MBD5: variants seen among roughly 807,000 people sequenced by gnomAD.
MBD5 encodes methyl-CpG binding domain protein 5.
Under a neutral mutation model 117.3 loss-of-function variants are expected in MBD5, and 13 were observed. That is an observed-to-expected ratio of 0.11 (90% CI 0.07 to 0.18). The LOEUF (loss-of-function observed/expected upper bound fraction) is 0.18, where lower values mean the gene tolerates loss of function less well. MBD5 is among the 10% of genes least tolerant of loss of function. MBD5 has a pLI of 1.00. For synonymous variants in MBD5, 727 were observed against 766.4 expected (o/e 0.95, Z 0.85); for missense variants, 1,879 against 2,093.8 (o/e 0.90, Z 2.00).
chr2:148,203,630 G>A (rs1374410029), intron 2 of MBD5, among the ~76,000 whole-genome samples: 3 of 152,162 alleles, frequency 2.0e-5, no homozygotes, highest in Non-Finnish European at 4.4e-5. Context: ...AATTTTGCAA[G>A]TCTTCACAAG....
At chr2:148,076,639 T>C (rs546226858) in intron 1 of MBD5, among the ~76,000 whole-genome samples, 1 of 152,326 alleles carries the variant, frequency 6.6e-6, no homozygotes, top group African/African-American at 2.4e-5. Flanking sequence ...GACCAGCTAT[T>C]GGTGAGCAGT....
At chr2:148,269,697 A>G (rs999832006) in intron 3 of MBD5, among the ~76,000 whole-genome samples, 1 of 138,202 alleles carries the variant, frequency 7.2e-6, no homozygotes, top group African/African-American at 2.7e-5. Context: ...AGTGTAGTAT[A>G]CTTGGCATAC....
chr2:148,084,399 C>T (rs1451218430), intron 1 of MBD5, among the ~76,000 whole-genome samples: 2 of 152,164 alleles, frequency 1.3e-5, no homozygotes, highest in Non-Finnish European at 2.9e-5. Flanking sequence ...TGACAGACCT[C>T]AGGTAATATC....
chr2:148,188,798 G>T (rs12479178), intron 2 of MBD5, among the ~76,000 whole-genome samples: 45,879 of 151,818 alleles, frequency 0.3, 8,440 homozygotes, highest in South Asian at 0.46. Flanking sequence ...AGCTCCCAGC[G>T]TGAGCGACGC....
chr2:148,253,168 T>C (rs1448263878), intron 3 of MBD5, among the ~76,000 whole-genome samples: 2 of 152,106 alleles, frequency 1.3e-5, no homozygotes, highest in Non-Finnish European at 2.9e-5. Context: ...CAGAGGGAAC[T>C]CTACTAGGAG....
At chr2:148,200,854 G>A (rs1436197250) in intron 2 of MBD5, among the ~76,000 whole-genome samples, 1 of 152,010 alleles carries the variant, frequency 6.6e-6, no homozygotes, top group Admixed American at 6.5e-5. Context: ...GTTGGCCTTT[G>A]TATACTTTAT....
At position 148,469,349 on chromosome 2, in the gene MBD5, A is replaced by C. The variant is rs766571687; in HGVS notation, c.1406A>C (p.His469Pro). 6.2e-7 allele frequency: 1 copy of C among 1,613,694 alleles called. No homozygotes were observed. The highest frequency in any genetic ancestry group is 1.7e-5 in the Admixed American group (1 of 59,964). Residue 469 changes from histidine to proline, a missense_variant, in exon 8 of 14, where the codon CAT becomes CCT. Around this residue, in one of 4 missense-constraint regions of MBD5, gnomAD observed 1,666 missense variants for 1,792.2 expected, o/e 0.93. Transcript: ENST00000642680. ...RSRSSSTSSD[H>P]GNFMMPPVGP... is the part of the protein sequence containing the mutation. The stretch of plus-strand genomic sequence containing the variant: ...CGCTCATCTTCCACATCATCAGATC[A>C]TGGAAATTTCATGATGCCACCTGTA...
At chr2:148,072,662 G>A (rs1695394464) in intron 1 of MBD5, among the ~76,000 whole-genome samples, 1 of 152,146 alleles carries the variant, frequency 6.6e-6, no homozygotes, top group Non-Finnish European at 1.5e-5. Context: ...ACTGAATAAA[G>A]TGACACTTGA....
intron 1 of MBD5, among the ~76,000 whole-genome samples, chr2:148,135,045 T>A (rs1332202006): frequency 6.6e-6 from 1 of 152,210 alleles, no homozygotes; most frequent in East Asian, 1.9e-4. Context: ...CTGCCAGTTC[T>A]TTTCTCTCTG....
intron 4 of MBD5, among the ~76,000 whole-genome samples, chr2:148,378,915 T>C (rs1034445434): frequency 2.0e-5 from 3 of 152,040 alleles, no homozygotes; most frequent in African/African-American, 7.2e-5. Flanking sequence ...TATATTTAGA[T>C]ACAGGTGAAG....
At chr2:148,496,061 A>G (rs1681693214) in intron 11 of MBD5, among the ~76,000 whole-genome samples, 1 of 152,212 alleles carries the variant, frequency 6.6e-6, no homozygotes. Flanking sequence ...ATTCTTTGGT[A>G]CTATAATTCT....
At chr2:148,440,998 T>C (rs1421694052) in intron 4 of MBD5, among the ~76,000 whole-genome samples, 1 of 152,208 alleles carries the variant, frequency 6.6e-6, no homozygotes, top group East Asian at 1.9e-4. Context: ...TGATTGAGAA[T>C]GGAATTAATG....
chr2:148,450,560 CT>C (rs1706696856), intron 4 of MBD5, among the ~76,000 whole-genome samples: 1 of 152,192 alleles, frequency 6.6e-6, no homozygotes, highest in Non-Finnish European at 1.5e-5. Context: ...AGACTTCTCT[CT>C]TTACATGGTC....
intron 10 of MBD5, among the ~76,000 whole-genome samples, chr2:148,486,472 A>T (rs909577120): frequency 6.6e-6 from 1 of 152,220 alleles, no homozygotes; most frequent in Non-Finnish European, 1.5e-5. Flanking sequence ...AAACCAAGGC[A>T]GTCAAAAGGA....
chr2:148,089,167 T>TA (rs1025032821), intron 1 of MBD5, among the ~76,000 whole-genome samples: 5 of 152,086 alleles, frequency 3.3e-5, no homozygotes, highest in African/African-American at 1.2e-4. Context: ...ATTGTAAAGA[T>TA]ACGTGCACCT....
intron 4 of MBD5, among the ~76,000 whole-genome samples, chr2:148,379,625 T>C (rs1342834646): frequency 1.3e-5 from 2 of 152,102 alleles, no homozygotes. Flanking sequence ...ATAAAATCTA[T>C]ATAAAACACC....
intron 4 of MBD5, among the ~76,000 whole-genome samples, chr2:148,389,304 A>ATATATATATATATATAT (rs1195189482): frequency 9.8e-6 from 1 of 101,984 alleles, no homozygotes. Context: ...ATATATATAT[A>ATATATATATATATATAT]ACATTTTCTT....
At chr2:148,091,450 C>T (rs749922689) in intron 1 of MBD5, among the ~76,000 whole-genome samples, 7 of 151,988 alleles carry the variant, frequency 4.6e-5, no homozygotes, top group Non-Finnish European at 1.0e-4. Flanking sequence ...GTACTGATAT[C>T]CAAATAGGCA....
At chr2:148,179,976 G>T (rs1698483799) in intron 2 of MBD5, among the ~76,000 whole-genome samples, 1 of 151,914 alleles carries the variant, frequency 6.6e-6, no homozygotes, top group South Asian at 2.1e-4. Context: ...GTTTACTTTT[G>T]CTACTACTTA....
Sources: gnomAD v4.1 joint callset for allele counts (sites outside exome capture counted in the v4.1 genomes callset) on GRCh38, gnomAD v4.1.1 for gene constraint, gnomAD v4.1.1 regional missense constraint, MANE v1.5 for transcripts, NCBI Gene and HGNC (gene_info 2026-07-23, HGNC 2026-07-21) for gene names.